Variants in ABCC3 observed in about 807,000 individuals in gnomAD.
The protein encoded by ABCC3 is ATP binding cassette subfamily C member 3.
Under a neutral mutation model 165.3 loss-of-function variants are expected in ABCC3, and 121 were observed. The ratio of observed to expected loss-of-function variants is 0.73; its 90% confidence interval spans 0.63 to 0.85. The LOEUF (loss-of-function observed/expected upper bound fraction) is 0.85. Ranked by LOEUF, ABCC3 falls within the 40% of genes least tolerant of loss-of-function variation. The pLI is 0.00. For synonymous variants in ABCC3, 733 were observed against 810.1 expected, an observed-to-expected ratio of 0.90 and a Z score of 1.62; for missense variants, 1,869 against 1,964.1, an observed-to-expected ratio of 0.95 and a Z score of 0.92.
chr17:50,685,001 T>C, intron 29 of ABCC3, 126 bp downstream of exon 29: 3 of 1,071,538 alleles, frequency 2.8e-6, no homozygotes, highest in Non-Finnish European at 4.0e-6. Context: ...GGCTGTCCTT[T>C]CGTATTGAGC....
At chr17:50,687,285 G>A (rs1346401381) in intron 29 of ABCC3, 2 of 470,184 alleles carry the variant, frequency 4.3e-6, no homozygotes, top group Non-Finnish European at 7.6e-6. Context: ...GAGAGAGGAG[G>A]CCAAGGGTGC....
At chr17:50,687,450 A>T (rs1968042187) in intron 29 of ABCC3, 86 bp from the exon 30 acceptor site, 1 of 1,360,776 alleles carries the variant, frequency 7.3e-7, no homozygotes, top group Non-Finnish European at 1.0e-6. Context: ...GTCCTGGGCC[A>T]CTGAGGAGTG....
At chr17:50,682,752 G>A (rs1182047592) in intron 26 of ABCC3, among the ~76,000 whole-genome samples, 1 of 152,182 alleles carries the variant, frequency 6.6e-6, no homozygotes, top group Non-Finnish European at 1.5e-5. Context: ...TTGATTATAT[G>A]CCTCCCTCTA....
chr17:50,648,714 T>C (rs1967052436), intron 1 of ABCC3, among the ~76,000 whole-genome samples: 1 of 152,114 alleles, frequency 6.6e-6, no homozygotes, highest in African/African-American at 2.4e-5. Context: ...TGTTCACAGA[T>C]TGCCCTGAGG....
At position 50,684,765 on chromosome 17, in the gene ABCC3, C is replaced by T. The variant is rs755099439; in HGVS notation, c.4170C>T (p.Tyr1390=). The T allele has an allele frequency of 5.0e-6, 8 of 1,614,174 alleles. No individual in the cohort carries two copies. The highest frequency in any genetic ancestry group is 4.4e-5 in the South Asian group (4 of 91,080). The part of the protein sequence containing the change: ...LRMNLDPFGS[Y]SEEDIWWALE... ...TGAACCTGGACCCCTTCGGCAGCTACTCAGAGGAGGACATTTGGTGGGCTT... is the reference window on the plus strand; with the variant it reads ...TGAACCTGGACCCCTTCGGCAGCTATTCAGAGGAGGACATTTGGTGGGCTT... The change falls in exon 29 of 31, where the codon TAC becomes TAT. Residue 1390 remains tyrosine (Y), a synonymous_variant. Coordinates refer to ENST00000285238, the MANE Select transcript of ABCC3 (RefSeq NM_003786.4).
Position 50,667,864 on chromosome 17 carries a change from T to G in ABCC3, c.1637T>G (p.Val546Gly). The G allele has an allele frequency of 1.2e-6, 2 of 1,613,994 alleles. No homozygotes were observed. The highest frequency in any genetic ancestry group is 8.5e-7 in the Non-Finnish European group (1 of 1,179,892). The change falls in exon 13 of 31, where the codon GTG becomes GGG. Residue 546 changes from valine (V) to glycine (G), a missense_variant and splice_region_variant. Coordinates refer to ENST00000285238, the MANE Select transcript of ABCC3 (RefSeq NM_003786.4). ...TGACACCACCTCCACGCTGCTCAGG[T>G]GACCCTGATCACCCTCTGGGTGTAC... ...TFTWMCSPFL[V>G]TLITLWVYVY...
Position 50,673,581 on chromosome 17 carries a change from G to A in ABCC3, c.2522G>A (p.Arg841His), listed in dbSNP as rs770775971. ...EMGPYPALLQ[R>H]NGSFANFLCN... ...GGCCCGTACCCAGCCCTGCTGCAGC[G>A]CAACGGCTCCTTTGCCAACTTTCTC... is the stretch of plus-strand genomic sequence containing the variant. Residue 841 changes from arginine (R) to histidine (H), a missense_variant, in exon 19 of 31, where the codon CGC (arginine) becomes CAC (histidine). Coordinates refer to ENST00000285238, the MANE Select transcript of ABCC3 (RefSeq NM_003786.4). The A allele has an allele frequency of 9.9e-6, 16 of 1,614,176 alleles. No homozygotes were observed. Among genetic ancestry groups the A allele is most frequent in the Admixed American group, 3.3e-5 (2 of 60,024 alleles).
Position 50,691,211 on chromosome 17 carries a change from TG to T in ABCC3, c.*12del. ...GCTGGACTTGCCTAAAATATATTCC[TG>T]AGATTTCCTCCTGGCCTTTCCTGGT... On this transcript the variant is annotated 3_prime_UTR_variant, in exon 31 of 31. Transcript: ENST00000285238. 5 of 1,596,770 alleles carry T rather than the reference TG, an allele frequency of 3.1e-6. No individual in the cohort carries two copies. The highest frequency in any genetic ancestry group is 4.3e-6 in the Non-Finnish European group (5 of 1,164,368).
chr17:50,680,372 G>C (rs1482613290), intron 26 of ABCC3, among the ~76,000 whole-genome samples: 2 of 152,100 alleles, frequency 1.3e-5, no homozygotes, highest in East Asian at 3.9e-4. Context: ...CCCTTTGTTG[G>C]GGAAAAGGAG....
intron 13 of ABCC3, among the ~76,000 whole-genome samples, 157 bp from the exon 14 acceptor site, chr17:50,668,273 G>A (rs1425953643): frequency 6.6e-6 from 1 of 152,158 alleles, no homozygotes; most frequent in Non-Finnish European, 1.5e-5. Context: ...TTTGGGCAGT[G>A]GGAGCCATGG....
chr17:50,687,700 A>G lies in ABCC3; in HGVS notation c.4445A>G (p.His1482Arg), dbSNP rs1295551823. The G allele has an allele frequency of 6.2e-7, 1 of 1,614,108 alleles. No individual in the cohort carries two copies. The highest frequency in any genetic ancestry group is 1.3e-5 in the African/African-American group (1 of 74,940). The change falls in exon 30 of 31, where the codon CAC becomes CGC. Residue 1482 changes from histidine (H) to arginine (R), a missense_variant. By Grantham distance (29) the His-to-Arg change is conservative (BLOSUM62 0). Transcript: ENST00000285238. ...FDTCTVLTIA[H>R]RLNTIMDYTR... ...ACCTGCACTGTCCTGACCATCGCACACCGGCTTAACACTATCATGGACTAC... is the reference window on the plus strand; with the variant it reads ...ACCTGCACTGTCCTGACCATCGCACGCCGGCTTAACACTATCATGGACTAC...
chr17:50,691,327 A>G lies in ABCC3; in HGVS notation c.*127A>G, dbSNP rs1968119667. On this transcript the variant is annotated 3_prime_UTR_variant, in exon 31 of 31. Transcript: ENST00000285238. ...GCACCTTAAGATTTTGCACCTGTAA[A>G]GTGCCTTACAGGGTAACTGTGCTGA... The G allele has an allele frequency of 7.2e-6, 5 of 691,998 alleles. No individual in the cohort carries two copies. The highest frequency in any genetic ancestry group is 3.6e-5 in the African/African-American group (2 of 56,316). 42.9% of individuals were successfully genotyped at this position (691,998 alleles called of 1,614,324 possible).
chr17:50,640,971 C>T (rs1351557025), intron 1 of ABCC3, among the ~76,000 whole-genome samples: 4 of 152,116 alleles, frequency 2.6e-5, no homozygotes, highest in Non-Finnish European at 5.9e-5. Flanking sequence ...GCAGTGGTGG[C>T]TTCCTTCTCC....
intron 17 of ABCC3, among the ~76,000 whole-genome samples, chr17:50,671,601 G>A (rs544605777): frequency 2.0e-5 from 3 of 151,998 alleles, no homozygotes; most frequent in South Asian, 2.1e-4. Flanking sequence ...TCTGGAGAGG[G>A]CCTCCTTGTT....
chr17:50,655,787 C>A, intron 1 of ABCC3, 45 bp from the exon 2 acceptor site: 1 of 1,584,140 alleles, frequency 6.3e-7, no homozygotes, highest in South Asian at 1.1e-5. Flanking sequence ...CAGCCCAATT[C>A]TCTGTGGGGC....
intron 11 of ABCC3, among the ~76,000 whole-genome samples, chr17:50,666,328 G>A (rs1276962939): frequency 3.3e-5 from 5 of 152,090 alleles, no homozygotes; most frequent in Admixed American, 1.3e-4. Flanking sequence ...AAAATTAGCC[G>A]GGCATGGTGG....
chr17:50,685,811 C>G (rs1177022598), intron 29 of ABCC3, among the ~76,000 whole-genome samples: 1 of 152,156 alleles, frequency 6.6e-6, no homozygotes, highest in Non-Finnish European at 1.5e-5. Flanking sequence ...TTCCCCTCCT[C>G]CCTTCCCTCC....
intron 1 of ABCC3, among the ~76,000 whole-genome samples, chr17:50,651,594 G>GT (rs1365348254): frequency 1.3e-5 from 2 of 152,178 alleles, no homozygotes; most frequent in Admixed American, 1.3e-4. Context: ...GTGGTAGCTT[G>GT]TGTCTGTAGT....
intron 11 of ABCC3, 44 bp from the exon 12 acceptor site, chr17:50,667,510 G>C: frequency 6.4e-7 from 1 of 1,551,882 alleles, no homozygotes; most frequent in Non-Finnish European, 8.8e-7. Context: ...AGGAGGTCAG[G>C]GGAGGGAGCA....
Sources: allele counts gnomAD v4.1 joint callset (sites outside exome capture counted in the v4.1 genomes callset), GRCh38; gene constraint gnomAD v4.1.1; transcripts MANE v1.5; gene names NCBI Gene and HGNC (gene_info 2026-07-23, HGNC 2026-07-21).